Variants in FRMD4A observed in about 807,000 individuals in gnomAD.
FRMD4A encodes FERM domain-containing protein 4A.
In FRMD4A, 29 loss-of-function variants were observed where a neutral mutation model predicts 129.1. That is an observed-to-expected ratio of 0.22 (90% CI 0.17 to 0.31). The LOEUF is 0.31. Among genes scored for constraint, FRMD4A ranks in the 10% least tolerant of loss-of-function variants. FRMD4A has a pLI of 1.00. For synonymous variants in FRMD4A, 634 were observed against 571.6 expected, an observed-to-expected ratio of 1.11 and a Z score of -1.56; for missense variants, 1,272 against 1,375.8, an observed-to-expected ratio of 0.92 and a Z score of 1.19.
intron 5 of FRMD4A, among the ~76,000 whole-genome samples, chr10:13,786,773 G>C (rs562325801): frequency 2.6e-5 from 4 of 152,272 alleles, no homozygotes; most frequent in African/African-American, 4.8e-5. Context: ...ATTAACAGAA[G>C]CCTCCTGAAG....
intron 2 of FRMD4A, among the ~76,000 whole-genome samples, chr10:14,254,160 A>G (rs928686704): frequency 6.6e-6 from 1 of 152,158 alleles, no homozygotes; most frequent in Non-Finnish European, 1.5e-5. Context: ...TCACCCCTAG[A>G]CATTCTTCCA....
At chr10:14,222,893 G>A (rs1360679586) in intron 2 of FRMD4A, among the ~76,000 whole-genome samples, 14 of 152,146 alleles carry the variant, frequency 9.2e-5, no homozygotes, top group South Asian at 2.1e-4. Context: ...TTCCAGACCA[G>A]CCTAGCCAAC....
intron 2 of FRMD4A, among the ~76,000 whole-genome samples, chr10:13,873,529 T>C (rs2094460398): frequency 6.6e-6 from 1 of 152,198 alleles, no homozygotes. Context: ...AAGCTGACAC[T>C]GACATTTATT....
chr10:14,120,187 C>T (rs866119771), intron 2 of FRMD4A, among the ~76,000 whole-genome samples: 3 of 152,054 alleles, frequency 2.0e-5, no homozygotes, highest in South Asian at 2.1e-4. Flanking sequence ...CACCACCATT[C>T]GGCCTACCGA....
At chr10:14,201,858 C>T (rs1438644187) in intron 2 of FRMD4A, among the ~76,000 whole-genome samples, 1 of 152,056 alleles carries the variant, frequency 6.6e-6, no homozygotes, top group African/African-American at 2.4e-5. Context: ...AGGCTGGGTG[C>T]GGTGGCTCAT....
intron 2 of FRMD4A, among the ~76,000 whole-genome samples, chr10:14,153,936 C>A (rs903822475): frequency 1.3e-5 from 2 of 152,350 alleles, no homozygotes; most frequent in Admixed American, 6.5e-5. Context: ...GGCTCCGCCT[C>A]TGCCCTCCAG....
intron 2 of FRMD4A, among the ~76,000 whole-genome samples, chr10:14,154,100 A>G (rs1170567689): frequency 6.6e-6 from 1 of 152,152 alleles, no homozygotes; most frequent in Non-Finnish European, 1.5e-5. Flanking sequence ...ACTTGACTGG[A>G]AAGTATCTGG....
Position 13,821,912 on chromosome 10 carries a change from G to A in FRMD4A, c.112-11004C>T, listed in dbSNP as rs527717921. On this transcript the variant is annotated intron_variant, in intron 3 of 24. Transcript: ENST00000357447. The surrounding 1 kb of genome is among the most constrained non-coding windows in gnomAD (Gnocchi z 4.3). ...TAGGTGAGGTGGCCCCGAAGTGCCC[G>A]CCACACCTCCATCCTTTGCCCCCGC... Among the ~76,000 whole-genome samples, 39 of 152,256 alleles carry A rather than the reference G, an allele frequency of 2.6e-4. No individual in the cohort carries two copies. The South Asian group carries it at 7.7e-3, about 30-fold the overall frequency.
chr10:13,701,227 A>G (rs1368681659), intron 14 of FRMD4A, 113 bp downstream of exon 14: 4 of 916,136 alleles, frequency 4.4e-6, no homozygotes, highest in Non-Finnish European at 5.2e-6. Flanking sequence ...GTATCTGTGC[A>G]AGGTATGGAC....
At chr10:13,804,972 T>C (rs982800152) in intron 4 of FRMD4A, among the ~76,000 whole-genome samples, 2 of 152,194 alleles carry the variant, frequency 1.3e-5, no homozygotes, top group Non-Finnish European at 2.9e-5. Context: ...AATTGTTTAC[T>C]GTCTAGGTTC....
chr10:14,284,465 G>T (rs558179321), intron 2 of FRMD4A, among the ~76,000 whole-genome samples: 3 of 152,104 alleles, frequency 2.0e-5, no homozygotes, highest in Non-Finnish European at 4.4e-5. Flanking sequence ...TGGCTAACAC[G>T]GTGAAACCCC....
intron 2 of FRMD4A, among the ~76,000 whole-genome samples, chr10:14,125,822 A>T (rs865989263): frequency 2.6e-5 from 4 of 151,478 alleles, no homozygotes; most frequent in African/African-American, 9.8e-5. Context: ...AAGTGCAAGC[A>T]TTAGTAGGTA....
intron 2 of FRMD4A, among the ~76,000 whole-genome samples, chr10:14,299,869 G>A (rs754265810): frequency 1.6e-4 from 25 of 152,206 alleles, no homozygotes; most frequent in South Asian, 6.2e-4. Flanking sequence ...AGGAGCAGGC[G>A]TCTGGGAGTG....
At chr10:14,071,075 G>A (rs1835295372) in intron 2 of FRMD4A, among the ~76,000 whole-genome samples, 1 of 152,226 alleles carries the variant, frequency 6.6e-6, no homozygotes, top group African/African-American at 2.4e-5. Context: ...CCTTACCAGG[G>A]AAAGAACCCG....
rs576610599 is a variant in FRMD4A at position 14,089,081 on chromosome 10, G to A, written c.46-230169C>T. Among the ~76,000 whole-genome samples the A allele has an allele frequency of 2.6e-5, 4 of 152,302 alleles. No individual in the cohort carries two copies. The South Asian group carries it at 6.2e-4, about 24-fold the overall frequency. Reference sequence around the variant, plus strand: ...AGAGCCTGGAAGATGAGTCCTCATTGAGGAGGAAGCCCATGGAGTTGGCCC... The same window carrying A: ...AGAGCCTGGAAGATGAGTCCTCATTAAGGAGGAAGCCCATGGAGTTGGCCC... On this transcript the variant is annotated intron_variant, in intron 2 of 24. Coordinates refer to ENST00000357447, the MANE Select transcript of FRMD4A (RefSeq NM_018027.5).
At chr10:14,304,660 C>G (rs1421184307) in intron 2 of FRMD4A, among the ~76,000 whole-genome samples, 1 of 152,156 alleles carries the variant, frequency 6.6e-6, no homozygotes, top group African/African-American at 2.4e-5. Context: ...AAGGGTCTGT[C>G]TATGTCCCAC....
At chr10:13,967,520 T>C (rs1176781991) in intron 2 of FRMD4A, among the ~76,000 whole-genome samples, 1 of 152,074 alleles carries the variant, frequency 6.6e-6, no homozygotes, top group Non-Finnish European at 1.5e-5. Context: ...TGTTCCCCAA[T>C]AACCTATGGA....
At chr10:14,183,582 T>G (rs900176964) in intron 2 of FRMD4A, among the ~76,000 whole-genome samples, 1 of 151,534 alleles carries the variant, frequency 6.6e-6, no homozygotes, top group African/African-American at 2.4e-5. Context: ...AGCTTCAACC[T>G]GAGGCACAAA....
At chr10:13,947,828 A>T (rs1052860616) in intron 2 of FRMD4A, among the ~76,000 whole-genome samples, 7 of 152,154 alleles carry the variant, frequency 4.6e-5, no homozygotes, top group African/African-American at 1.7e-4. Context: ...AGAGTCAAGA[A>T]GAGTAACTCT....
Sources: gnomAD v4.1 joint callset for allele counts (sites outside exome capture counted in the v4.1 genomes callset) on GRCh38, gnomAD v4.1.1 for gene constraint, Gnocchi (gnomAD v3.1) non-coding constraint, MANE v1.5 for transcripts, NCBI Gene and HGNC (gene_info 2026-07-23, HGNC 2026-07-21) for gene names.